XRCC5: variants seen among roughly 807,000 people sequenced by gnomAD.
XRCC5 encodes the protein DNA repair protein Ku80.
In XRCC5, 12 loss-of-function variants were observed where a neutral mutation model predicts 95.7. The ratio of observed to expected loss-of-function variants is 0.13; its 90% CI spans 0.08 to 0.20. The LOEUF (loss-of-function observed/expected upper bound fraction) is 0.20, where lower values mean the gene tolerates loss of function less well. XRCC5 is among the 10% of genes least tolerant of loss of function. The pLI is 1.00. For synonymous variants in XRCC5, 281 were observed against 290.3 expected (o/e 0.97, Z 0.33); for missense variants, 595 against 873.9 (o/e 0.68, Z 4.02).
chr2:216,187,821 A>ACTCTCTCTCTCT (rs371097633), intron 16 of XRCC5, among the ~76,000 whole-genome samples: 46 of 47,964 alleles, frequency 9.6e-4, no homozygotes, highest in African/African-American at 3.8e-3. Flanking sequence ...ACACACACAC[A>ACTCTCTCTCTCT]CTCTCTCTCT....
At chr2:216,199,810 C>CTTTT (rs375975027) in intron 19 of XRCC5, among the ~76,000 whole-genome samples, 8 of 120,274 alleles carry the variant, frequency 6.7e-5, no homozygotes, top group African/African-American at 9.4e-5. Context: ...GCATTGGGAT[C>CTTTT]TTTTTTTTTT....
chr2:216,148,845 G>A (rs1688687331), intron 14 of XRCC5, among the ~76,000 whole-genome samples: 1 of 152,136 alleles, frequency 6.6e-6, no homozygotes, highest in African/African-American at 2.4e-5. Flanking sequence ...GCTTACAACT[G>A]GCTATTAAGT....
chr2:216,122,478 T>C (rs1490164911), intron 6 of XRCC5, among the ~76,000 whole-genome samples: 2 of 152,182 alleles, frequency 1.3e-5, no homozygotes, highest in South Asian at 4.1e-4. Flanking sequence ...CCTGTGTCAG[T>C]GAAGTTCAGG....
intron 8 of XRCC5, 36 bp downstream of exon 8, chr2:216,127,710 A>G (rs762460180): frequency 8.1e-5 from 126 of 1,556,502 alleles, no homozygotes; most frequent in Non-Finnish European, 9.3e-5. Context: ...TGCCTAAAAG[A>G]CATTTTCTTC....
rs1434930401 is a variant in XRCC5, at chr2:216,205,450, C to G, written c.*248C>G. The G allele has an allele frequency of 3.8e-6, 2 of 532,952 alleles. No homozygotes were observed. The highest frequency in any genetic ancestry group is 6.2e-5 in the East Asian group (2 of 32,278). 33.0% of individuals were successfully genotyped at this position (532,952 alleles called of 1,614,324 possible). ...TTTTCTGGTTGGTGTATTATTTTTT[C>G]TGTGGTCTTACTGATCTTTGTATAT... On this transcript the variant is annotated 3_prime_UTR_variant, in exon 21 of 21. Transcript: ENST00000392132.
intron 4 of XRCC5, among the ~76,000 whole-genome samples, 188 bp from the exon 5 acceptor site, chr2:216,118,855 C>A (rs910683600): frequency 6.6e-6 from 1 of 152,122 alleles, no homozygotes; most frequent in Non-Finnish European, 1.5e-5. Context: ...CCAAGATGTT[C>A]AAAGTATAAA....
At chr2:216,197,046 C>T (rs1689736916) in intron 19 of XRCC5, among the ~76,000 whole-genome samples, 2 of 152,124 alleles carry the variant, frequency 1.3e-5, no homozygotes, top group South Asian at 4.1e-4. Context: ...GCTTGTGTTT[C>T]CTGCCAGCAG....
rs746830560 is a variant in XRCC5, at chr2:216,190,214, T to G, written c.1835-11T>G. On this transcript the variant is annotated splice_polypyrimidine_tract_variant and intron_variant, in intron 16 of 20. Transcript: ENST00000392132. ...CTCAAATCTAAGAAAATTTGTTGTC[T>G]TATGTTTTAGCGAGTAACCAGCTCA... 6 of 1,612,384 alleles carry G rather than the reference T, an allele frequency of 3.7e-6. No homozygotes were observed. The highest frequency in any genetic ancestry group is 1.7e-4 in the Middle Eastern group (1 of 6,058).
At chr2:216,159,602 C>G (rs1227155994) in intron 14 of XRCC5, among the ~76,000 whole-genome samples, 24 of 152,074 alleles carry the variant, frequency 1.6e-4, no homozygotes, top group Non-Finnish European at 4.4e-5. Context: ...TTATAAAGCT[C>G]TAACATACAT....
At chr2:216,176,390 A>T (rs1689277412) in intron 16 of XRCC5, among the ~76,000 whole-genome samples, 1 of 152,246 alleles carries the variant, frequency 6.6e-6, no homozygotes, top group Non-Finnish European at 1.5e-5. Flanking sequence ...AAGTGCTGGG[A>T]TTACAGGCGT....
chr2:216,174,890 GT>G, intron 16 of XRCC5: 2 of 330,310 alleles, frequency 6.1e-6, no homozygotes, highest in South Asian at 6.2e-5. Context: ...CCTCTCTGCT[GT>G]TTTTAGAACC....
At chr2:216,135,667 C>T (rs1056970447) in intron 10 of XRCC5, among the ~76,000 whole-genome samples, 3 of 152,004 alleles carry the variant, frequency 2.0e-5, no homozygotes, top group Non-Finnish European at 4.4e-5. Flanking sequence ...GGCATGGTGG[C>T]GCGTGCCTAT....
intron 19 of XRCC5, among the ~76,000 whole-genome samples, chr2:216,196,839 A>G (rs1296056754): frequency 6.6e-6 from 1 of 152,230 alleles, no homozygotes; most frequent in Non-Finnish European, 1.5e-5. Context: ...TTGATGGAAC[A>G]ACTGGGGACC....
intron 16 of XRCC5, among the ~76,000 whole-genome samples, chr2:216,177,190 G>A (rs1395364965): frequency 1.3e-5 from 2 of 152,154 alleles, no homozygotes; most frequent in African/African-American, 4.8e-5. Context: ...CAAGTGTGCT[G>A]GAAATGTCAG....
intron 16 of XRCC5, among the ~76,000 whole-genome samples, chr2:216,180,969 A>G (rs1689374404): frequency 6.6e-6 from 1 of 151,672 alleles, no homozygotes; most frequent in Non-Finnish European, 1.5e-5. Flanking sequence ...ATGCACCACC[A>G]CACCCAGCTA....
At chr2:216,171,003 A>G (rs901803694) in intron 16 of XRCC5, among the ~76,000 whole-genome samples, 10 of 152,162 alleles carry the variant, frequency 6.6e-5, no homozygotes, top group Non-Finnish European at 1.5e-4. Context: ...GAAAAAGGAA[A>G]CCGGTTTCAG....
At chr2:216,185,367 A>G (rs1165554623) in intron 16 of XRCC5, among the ~76,000 whole-genome samples, 1 of 152,234 alleles carries the variant, frequency 6.6e-6, no homozygotes, top group African/African-American at 2.4e-5. Flanking sequence ...GCATAAAGAA[A>G]GCCCGCTTTT....
chr2:216,169,834 A>C (rs577007172), intron 16 of XRCC5, among the ~76,000 whole-genome samples: 1 of 151,248 alleles, frequency 6.6e-6, no homozygotes, highest in Admixed American at 6.6e-5. Flanking sequence ...TCAGGAGGTC[A>C]AGAGATTGAG....
chr2:216,129,077 T>C (rs1435389900), intron 8 of XRCC5, among the ~76,000 whole-genome samples: 1 of 152,196 alleles, frequency 6.6e-6, no homozygotes, highest in East Asian at 1.9e-4. Flanking sequence ...GGGGCTATAT[T>C]TTAAGAAGAT....
Sources: gnomAD v4.1 joint callset for allele counts (sites outside exome capture counted in the v4.1 genomes callset) on GRCh38, gnomAD v4.1.1 for gene constraint, MANE v1.5 for transcripts, NCBI Gene and HGNC (gene_info 2026-07-23, HGNC 2026-07-21) for gene names.